Variants in HSPD1 observed in about 807,000 individuals in gnomAD.
The protein encoded by HSPD1 is 60 kDa heat shock protein, mitochondrial.
In HSPD1, 3 loss-of-function variants were observed where a neutral mutation model predicts 53.0. That is an observed-to-expected ratio of 0.06 (90% confidence interval 0.03 to 0.15). The LOEUF is 0.15. Among genes scored for constraint, HSPD1 ranks in the 10% least tolerant of loss-of-function variants. The pLI, the probability that HSPD1 is intolerant of heterozygous loss-of-function variation, is 1.00. For missense variants in HSPD1, 431 were observed against 694.1 expected, an observed-to-expected ratio of 0.62 and a Z score of 4.26; for synonymous variants, 200 against 228.0, an observed-to-expected ratio of 0.88 and a Z score of 1.10.
chr2:197,498,549 C>T, intron 2 of HSPD1, 126 bp downstream of exon 2: 1 of 876,624 alleles, frequency 1.1e-6, no homozygotes, highest in Non-Finnish European at 1.8e-6. Context: ...CTTCAGAATT[C>T]TTACATGTAA....
Position 197,496,902 on chromosome 2 carries a change from C to G in HSPD1, c.427+238G>C. 6 of 525,042 alleles carry G rather than the reference C, an allele frequency of 1.1e-5. No homozygotes were observed. In the South Asian group the frequency reaches 1.2e-4, roughly 11 times the overall value. The allele number at this position is 525,042 out of a possible 1,614,324, so 32.5% of individuals were successfully genotyped here. ...TCCAGCCTGGGCTACAGAGCAAGAC[C>G]CTGTCTCTAAAAACAAAAGAAACCA... On this transcript the variant is annotated intron_variant, in intron 3 of 11. Transcript: ENST00000388968.
intron 10 of HSPD1, 49 bp from the exon 11 acceptor site, chr2:197,488,085 G>T: frequency 1.5e-6 from 2 of 1,292,214 alleles, no homozygotes; most frequent in Non-Finnish European, 2.2e-6. Flanking sequence ...TGTAAATATT[G>T]TAACACATTT....
rs2086127244 is a variant in HSPD1 at position 197,494,090 on chromosome 2, AAC to A, written c.700+65_700+66del. 3 of 815,574 alleles carry A rather than the reference AAC, an allele frequency of 3.7e-6. No individual in the cohort carries two copies. In the East Asian group the frequency reaches 8.0e-5, roughly 22 times the overall value. 50.5% of individuals were successfully genotyped at this position (815,574 alleles called of 1,614,324 possible). A position where few individuals can be genotyped will look rare whatever the true frequency, so the allele number is the denominator to read the frequency against. On this transcript the variant is annotated intron_variant, in intron 6 of 11. Transcript: ENST00000388968. ...CATGCCACTGCACTCCAGCCGGGGC[AAC>A]AGAGAATGAGACTCTGTCTAAAATA...
At chr2:197,498,621 G>T in intron 2 of HSPD1, 54 bp downstream of exon 2, 1 of 1,466,336 alleles carries the variant, frequency 6.8e-7, no homozygotes, top group South Asian at 1.1e-5. Context: ...GACTATTTGT[G>T]AGTAAAATGC....
At chr2:197,494,031 G>A (rs2086126024) in intron 6 of HSPD1, 126 bp downstream of exon 6, 3 of 604,546 alleles carry the variant, frequency 5.0e-6, no homozygotes, top group Non-Finnish European at 9.1e-6. Context: ...GAACCCGGAA[G>A]GCGGAGGTTG....
chr2:197,498,345 A>G (rs1260393269), intron 2 of HSPD1, among the ~76,000 whole-genome samples: 1 of 152,232 alleles, frequency 6.6e-6, no homozygotes, highest in Non-Finnish European at 1.5e-5. Flanking sequence ...TTCTCTCTAC[A>G]CTTGGCATGA....
chr2:197,496,873 G>A (rs907781053), intron 3 of HSPD1: 2 of 458,782 alleles, frequency 4.4e-6, no homozygotes, highest in Admixed American at 3.4e-5. Flanking sequence ...GAGTTCCAGT[G>A]CAGTCCAGCC....
At chr2:197,488,166 G>T in intron 10 of HSPD1, 130 bp from the exon 11 acceptor site, 1 of 989,112 alleles carries the variant, frequency 1.0e-6, no homozygotes, top group Non-Finnish European at 1.6e-6. Context: ...CTCTGAAAAA[G>T]ATGTGATGCA....
At chr2:197,495,482 A>G in intron 3 of HSPD1, 106 bp from the exon 4 acceptor site, 3 of 837,572 alleles carry the variant, frequency 3.6e-6, no homozygotes, top group Non-Finnish European at 5.9e-6. Flanking sequence ...TTAACTTAAA[A>G]AAAAAAATTT....
At chr2:197,494,319 T>G (rs938150967) in intron 5 of HSPD1, 69 bp from the exon 6 acceptor site, 38 of 835,742 alleles carry the variant, frequency 4.5e-5, no homozygotes, top group Non-Finnish European at 6.3e-5. Context: ...CAGGCCAGAT[T>G]AATAAAAACA....
chr2:197,495,060 C>G lies in HSPD1; in HGVS notation c.510+234G>C, dbSNP rs1023976235. On this transcript the variant is annotated intron_variant, in intron 4 of 11. Coordinates refer to ENST00000388968, the MANE Select transcript of HSPD1 (RefSeq NM_002156.5). ...CAATGGCTAAGAACATTTTCACAATCATATGAATCCATTTTACAGCCATGT... is the reference window on the plus strand; with the variant it reads ...CAATGGCTAAGAACATTTTCACAATGATATGAATCCATTTTACAGCCATGT... The G allele has an allele frequency of 5.0e-6, 3 of 601,176 alleles. No homozygotes were observed. In the African/African-American group the frequency reaches 5.6e-5, roughly 11 times the overall value. The allele number at this position is 601,176 out of a possible 1,614,324, so 37.2% of individuals were successfully genotyped here. A position where few individuals can be genotyped will look rare whatever the true frequency, so the allele number is the denominator to read the frequency against.
At chr2:197,497,545 G>A (rs983326626) in intron 2 of HSPD1, 153 bp from the exon 3 acceptor site, 3 of 715,224 alleles carry the variant, frequency 4.2e-6, no homozygotes, top group Non-Finnish European at 4.8e-6. Context: ...TCAAGGGCAA[G>A]TTTATCGACA....
At chr2:197,488,708 A>C (rs1366839070) in intron 9 of HSPD1, among the ~76,000 whole-genome samples, 1 of 152,152 alleles carries the variant, frequency 6.6e-6, no homozygotes, top group Non-Finnish European at 1.5e-5. Flanking sequence ...GTCTCCACTA[A>C]AAATACAAAA....
In HSPD1 at chr2:197,487,783, CAA is replaced by C. The variant is rs1227095460; in HGVS notation, c.1569+73_1569+74del. On this transcript the variant is annotated intron_variant, in intron 11 of 11. Transcript: ENST00000388968. ...TAGACTATTTTTCTGGTGACAAAAT[CAA>C]AGATTTGGGATGTGAGGATACATTA... is the stretch of plus-strand genomic sequence containing the variant. 19 of 1,274,122 alleles carry C rather than the reference CAA, an allele frequency of 1.5e-5. No individual in the cohort carries two copies. In the African/African-American group the frequency reaches 2.6e-4, roughly 18 times the overall value. 78.9% of individuals were successfully genotyped at this position (1,274,122 alleles called of 1,614,324 possible).
intron 7 of HSPD1, among the ~76,000 whole-genome samples, chr2:197,491,738 T>C (rs1479360783): frequency 1.3e-5 from 2 of 152,254 alleles, no homozygotes; most frequent in East Asian, 3.8e-4. Flanking sequence ...TAGTAAACTA[T>C]AGCTTAAAAT....
intron 5 of HSPD1, 30 bp from the exon 6 acceptor site, chr2:197,494,280 G>A (rs753194765): frequency 3.4e-5 from 36 of 1,054,270 alleles, no homozygotes; most frequent in Non-Finnish European, 5.4e-5. Context: ...TAGGTATATG[G>A]ATTTCATTGA....
chr2:197,487,684 T>TA lies in HSPD1; in HGVS notation c.1569+173dup, dbSNP rs1384356282. Among the ~76,000 whole-genome samples, 7 of 152,224 alleles carry TA rather than the reference T, an allele frequency of 4.6e-5. No individual in the cohort carries two copies. The East Asian group carries it at 1.3e-3, about 29-fold the overall frequency. ...ATCCTGCTTCCTTTTAGTGGAGTAT[T>TA]AAATATCTAGGTGCTGGAAATGTAC... On this transcript the variant is annotated intron_variant, in intron 11 of 11. Coordinates refer to ENST00000388968, the MANE Select transcript of HSPD1 (RefSeq NM_002156.5).
chr2:197,498,927 C>G (rs940322537), intron 1 of HSPD1, 77 bp from the exon 2 acceptor site: 6 of 1,303,100 alleles, frequency 4.6e-6, no homozygotes, highest in Non-Finnish European at 6.6e-6. Context: ...ACCTGTGCAA[C>G]AGAGCAAGCA....
intron 3 of HSPD1, among the ~76,000 whole-genome samples, chr2:197,496,282 G>GTC (rs2086156203): frequency 6.6e-6 from 1 of 152,154 alleles, no homozygotes; most frequent in Admixed American, 6.6e-5. Context: ...CAAGGTGCTG[G>GTC]TAAGTCCTCT....
Sources: gnomAD v4.1 joint callset for allele counts (sites outside exome capture counted in the v4.1 genomes callset) on GRCh38, gnomAD v4.1.1 for gene constraint, MANE v1.5 for transcripts, NCBI Gene and HGNC (gene_info 2026-07-23, HGNC 2026-07-21) for gene names.